EMCN: variants seen among roughly 807,000 people sequenced by gnomAD.
EMCN encodes MUC-14.
EMCN carries 37 observed loss-of-function variants against 38.4 expected under a neutral mutation model. That is an observed-to-expected ratio of 0.96 (90% CI 0.74 to 1.27). The LOEUF is 1.27. Among genes scored for constraint, EMCN ranks in the 50% most tolerant of loss-of-function variants. The probability of loss-of-function intolerance (pLI) is 0.00; values close to 1 mark genes in which losing one functional copy is unlikely to be tolerated. For missense variants in EMCN, 318 were observed against 302.8 expected (o/e 1.05, Z -0.37); for synonymous variants, 95 against 100.8 (o/e 0.94, Z 0.35).
At position 100,410,281 on chromosome 4, in the gene EMCN, CG is replaced by C; in HGVS notation, c.*39del. 6.3e-7 allele frequency: 1 copy of C among 1,595,294 alleles called. No individual in the cohort carries two copies. Among genetic ancestry groups the C allele is most frequent in the Non-Finnish European group, 8.6e-7 (1 of 1,163,078 alleles). Reference sequence around the variant, plus strand: ...TCCGTGAATGAAATTGGGAAACTTACGTAATTATTGCCTAGGTGTGGAGAGA... The same window carrying C: ...TCCGTGAATGAAATTGGGAAACTTACTAATTATTGCCTAGGTGTGGAGAGA... On this transcript the variant is annotated splice_region_variant and 3_prime_UTR_variant, in exon 11 of 12. Transcript: ENST00000296420.
intron 10 of EMCN, among the ~76,000 whole-genome samples, chr4:100,413,532 G>T (rs1031465335): frequency 2.6e-5 from 4 of 152,142 alleles, no homozygotes; most frequent in African/African-American, 9.7e-5. Context: ...GAAGAAATTT[G>T]TTTGCTAGTG....
chr4:100,470,882 A>G (rs1225000560), intron 3 of EMCN, among the ~76,000 whole-genome samples: 1 of 151,998 alleles, frequency 6.6e-6, no homozygotes, highest in Non-Finnish European at 1.5e-5. Context: ...CATAAAAAAT[A>G]TTAGAAAATA....
intron 4 of EMCN, among the ~76,000 whole-genome samples, chr4:100,464,165 T>C (rs2110262192): frequency 6.6e-6 from 1 of 152,018 alleles, no homozygotes; most frequent in South Asian, 2.1e-4. Flanking sequence ...TTTGATGCTA[T>C]TGAAGATGGA....
chr4:100,441,038 C>T (rs992177005), intron 5 of EMCN, among the ~76,000 whole-genome samples: 35 of 151,576 alleles, frequency 2.3e-4, no homozygotes, highest in African/African-American at 6.8e-4. Context: ...CAGTGAGCTG[C>T]GATTGTGCCA....
At chr4:100,507,496 C>A (rs576468882) in intron 1 of EMCN, among the ~76,000 whole-genome samples, 16 of 152,210 alleles carry the variant, frequency 1.1e-4, no homozygotes, top group Admixed American at 2.0e-4. Flanking sequence ...GTGAAAAGAG[C>A]ACACTGCACA....
intron 5 of EMCN, among the ~76,000 whole-genome samples, chr4:100,429,194 G>A (rs1727132480): frequency 2.0e-5 from 3 of 152,120 alleles, no homozygotes; most frequent in Non-Finnish European, 2.9e-5. Flanking sequence ...GACACTCAGG[G>A]AAAGGAGAAC....
At chr4:100,506,320 G>C (rs1729478493) in intron 1 of EMCN, among the ~76,000 whole-genome samples, 1 of 152,052 alleles carries the variant, frequency 6.6e-6, no homozygotes, top group Non-Finnish European at 1.5e-5. Flanking sequence ...GATATCCATT[G>C]AGTCACCACA....
chr4:100,415,948 T>G lies in EMCN; in HGVS notation c.701A>C (p.Asp234Ala), dbSNP rs996648821. ...GGTAAGAAGCTTCACGCTCTCTTTA[T>G]CAGACTGAGGTCTATTTGAAAAAAA... The part of the protein sequence containing the change: ...PENGNDQPQS[D>A]KESVKLLTVK... Residue 234 changes from aspartate to alanine, a missense_variant, in exon 10 of 12, where the codon GAT (aspartate) becomes GCT (alanine). Physicochemically the swap from Asp to Ala is moderately radical, Grantham distance 126. Transcript: ENST00000296420. 8 of 1,594,008 alleles carry G rather than the reference T, an allele frequency of 5.0e-6. No homozygotes were observed. The highest frequency in any genetic ancestry group is 1.8e-5 in the Admixed American group (1 of 56,442).
intron 3 of EMCN, among the ~76,000 whole-genome samples, chr4:100,471,929 T>A (rs1279538842): frequency 1.3e-5 from 2 of 151,950 alleles, no homozygotes; most frequent in Non-Finnish European, 2.9e-5. Flanking sequence ...GAGAACTTCC[T>A]CATTCTGATA....
intron 1 of EMCN, among the ~76,000 whole-genome samples, chr4:100,509,441 T>C (rs1350289059): frequency 2.6e-5 from 4 of 152,166 alleles, no homozygotes; most frequent in Admixed American, 6.5e-5. Context: ...TTTTAAAAAC[T>C]GGGTTTGCAG....
At chr4:100,452,532 T>C (rs1356043607) in intron 4 of EMCN, among the ~76,000 whole-genome samples, 1 of 152,072 alleles carries the variant, frequency 6.6e-6, no homozygotes, top group Non-Finnish European at 1.5e-5. Flanking sequence ...TCTGCATTCT[T>C]GTCTCAGCCA....
In EMCN at chr4:100,421,359, A is replaced by G. The variant is rs760774337; in HGVS notation, c.587T>C (p.Val196Ala). The G allele has an allele frequency of 2.5e-6, 4 of 1,612,622 alleles. No individual in the cohort carries two copies. In the South Asian group the frequency reaches 4.4e-5, roughly 18 times the overall value. ...RSYSSIILPV[V>A]IALIVITLSV... is the part of the protein sequence containing the mutation. ...AAGTGTTATTACAATCAAAGCAATA[A>G]CCACCGGCAAAATAATACCTAAAAA... Residue 196 changes from valine to alanine, a missense_variant, in exon 8 of 12, where the codon GTT becomes GCT. By Grantham distance (64) the Val-to-Ala change is moderately conservative. Transcript: ENST00000296420.
At chr4:100,488,601 A>G (rs1024895851) in intron 1 of EMCN, among the ~76,000 whole-genome samples, 2 of 152,198 alleles carry the variant, frequency 1.3e-5, no homozygotes, top group Non-Finnish European at 2.9e-5. Flanking sequence ...GCCCATATTC[A>G]ATACGTTAGC....
At chr4:100,460,012 C>T (rs1728131836) in intron 4 of EMCN, among the ~76,000 whole-genome samples, 1 of 152,176 alleles carries the variant, frequency 6.6e-6, no homozygotes, top group Non-Finnish European at 1.5e-5. Context: ...CAGTTTTCCA[C>T]AATGGCTACA....
chr4:100,402,125 A>G (rs1009035806), intron 11 of EMCN, among the ~76,000 whole-genome samples: 4 of 152,048 alleles, frequency 2.6e-5, no homozygotes, highest in African/African-American at 4.8e-5. Flanking sequence ...CGTATTTGCT[A>G]CCCCTCTTGT....
At chr4:100,403,857 C>T (rs1362451546) in intron 11 of EMCN, among the ~76,000 whole-genome samples, 2 of 151,976 alleles carry the variant, frequency 1.3e-5, no homozygotes, top group Non-Finnish European at 2.9e-5. Flanking sequence ...TGCTTGTTGG[C>T]CCTGTGTATG....
chr4:100,483,912 T>A (rs1490121734), intron 1 of EMCN, among the ~76,000 whole-genome samples: 1 of 152,140 alleles, frequency 6.6e-6, no homozygotes, highest in East Asian at 1.9e-4. Context: ...TATGTCAAAA[T>A]GATTAAAGAT....
At chr4:100,433,795 C>T (rs1431034644) in intron 5 of EMCN, among the ~76,000 whole-genome samples, 2 of 152,096 alleles carry the variant, frequency 1.3e-5, no homozygotes, top group Admixed American at 6.6e-5. Flanking sequence ...CCCAGCCTCC[C>T]AAAGTGCTGG....
At chr4:100,496,767 G>A (rs1729217792) in intron 1 of EMCN, among the ~76,000 whole-genome samples, 3 of 152,112 alleles carry the variant, frequency 2.0e-5, no homozygotes, top group Admixed American at 2.0e-4. Context: ...ACCAGACGCA[G>A]ATTAGAGATT....
Sources: allele counts gnomAD v4.1 joint callset (sites outside exome capture counted in the v4.1 genomes callset), GRCh38; gene constraint gnomAD v4.1.1; transcripts MANE v1.5; gene names NCBI Gene and HGNC (gene_info 2026-07-23, HGNC 2026-07-21).